The following RBFOX1 variants were observed in gnomAD, a reference collection of about 807,000 sequenced individuals.
The protein encoded by RBFOX1 is RNA binding fox-1 homolog 1.
A neutral mutation model predicts 57.7 loss-of-function variants in RBFOX1; 8 were observed. That is an observed-to-expected ratio of 0.14 (90% CI 0.08 to 0.25). The LOEUF is 0.25. Ranked by LOEUF, RBFOX1 falls within the 10% of genes least tolerant of loss-of-function variation. RBFOX1 has a pLI of 1.00. For missense variants in RBFOX1, 611 were observed against 548.5 expected (o/e 1.11, Z -1.14); for synonymous variants, 326 against 222.4 (o/e 1.47, Z -4.15).
chr16:6,099,129 C>T (rs2096277059), intron 1 of RBFOX1, among the ~76,000 whole-genome samples: 1 of 152,026 alleles, frequency 6.6e-6, no homozygotes, highest in Non-Finnish European at 1.5e-5. Flanking sequence ...TAGGTCGAAC[C>T]CGATTTGCTT....
At chr16:5,998,502 G>C (rs1232211105) in intron 4 of RBFOX1, among the ~76,000 whole-genome samples, 3 of 152,204 alleles carry the variant, frequency 2.0e-5, no homozygotes, top group Non-Finnish European at 4.4e-5. Context: ...TAGGGCTAGG[G>C]TGTTTTCAAC....
chr16:5,980,413 G>A (rs1393920748), intron 4 of RBFOX1, among the ~76,000 whole-genome samples: 1 of 152,122 alleles, frequency 6.6e-6, no homozygotes, highest in South Asian at 2.1e-4. Flanking sequence ...AGTGGGATGG[G>A]GAGCTTCAGG....
intron 1 of RBFOX1, among the ~76,000 whole-genome samples, chr16:6,262,384 T>C (rs1189022362): frequency 1.3e-5 from 2 of 152,088 alleles, no homozygotes; most frequent in African/African-American, 4.8e-5. Context: ...GTAGTAGATA[T>C]TATGGCGGTG....
intron 1 of RBFOX1, among the ~76,000 whole-genome samples, chr16:5,462,457 C>T (rs1372080969): frequency 1.4e-4 from 21 of 152,202 alleles, no homozygotes; most frequent in Admixed American, 3.3e-4. Context: ...CGTGAGCCAC[C>T]GCGCCCGGCC....
chr16:7,151,685 A>C (rs914332939), intron 4 of RBFOX1, among the ~76,000 whole-genome samples: 2 of 152,164 alleles, frequency 1.3e-5, no homozygotes, highest in Non-Finnish European at 2.9e-5. Context: ...TATATAATGA[A>C]ATAATTACAC....
chr16:6,411,330 G>C (rs1414366073), intron 2 of RBFOX1, among the ~76,000 whole-genome samples: 1 of 152,140 alleles, frequency 6.6e-6, no homozygotes, highest in Non-Finnish European at 1.5e-5. Context: ...TGACAAAAGA[G>C]CCATGTGCTG....
At chr16:6,777,340 A>T (rs1343421864) in intron 3 of RBFOX1, among the ~76,000 whole-genome samples, 1 of 152,098 alleles carries the variant, frequency 6.6e-6, no homozygotes, top group Non-Finnish European at 1.5e-5. Context: ...TACCTAGTGG[A>T]TGATGTTTAA....
intron 1 of RBFOX1, among the ~76,000 whole-genome samples, chr16:6,281,519 T>C (rs1420486618): frequency 6.6e-6 from 1 of 151,946 alleles, no homozygotes; most frequent in African/African-American, 2.4e-5. Context: ...CCCAAAGTGC[T>C]TTGTTCTGGA....
At chr16:6,755,412 G>C (rs923843248) in intron 3 of RBFOX1, among the ~76,000 whole-genome samples, 7 of 152,102 alleles carry the variant, frequency 4.6e-5, no homozygotes, top group Non-Finnish European at 8.8e-5. Context: ...GTGTGAGATG[G>C]TATCTCATTG....
chr16:5,745,233 G>C (rs1426197759), intron 3 of RBFOX1, among the ~76,000 whole-genome samples: 1 of 152,080 alleles, frequency 6.6e-6, no homozygotes, highest in Non-Finnish European at 1.5e-5. Flanking sequence ...GAGAATGATG[G>C]TTTCCAGCTT....
chr16:6,977,768 G>A (rs1195634282), intron 3 of RBFOX1, among the ~76,000 whole-genome samples: 1 of 151,976 alleles, frequency 6.6e-6, no homozygotes, highest in Non-Finnish European at 1.5e-5. Flanking sequence ...AGAAAAGAAA[G>A]AAAAAGAAAG....
chr16:6,893,778 G>C (rs2066092428), intron 3 of RBFOX1, among the ~76,000 whole-genome samples: 1 of 152,156 alleles, frequency 6.6e-6, no homozygotes, highest in African/African-American at 2.4e-5. Context: ...CATCTGGTGA[G>C]AAGTATTCTT....
At chr16:7,286,829 A>G (rs1310296092) in intron 4 of RBFOX1, among the ~76,000 whole-genome samples, 1 of 151,612 alleles carries the variant, frequency 6.6e-6, no homozygotes, top group Non-Finnish European at 1.5e-5. Flanking sequence ...GGGTTTAGCC[A>G]TGTTGGCCAG....
chr16:7,094,030 T>C (rs2061297536), intron 4 of RBFOX1, among the ~76,000 whole-genome samples: 1 of 150,908 alleles, frequency 6.6e-6, no homozygotes, highest in African/African-American at 2.4e-5. Context: ...ACATAGTAAT[T>C]GGTCAAGTGG....
At chr16:6,161,833 G>A (rs919604016) in intron 1 of RBFOX1, among the ~76,000 whole-genome samples, 7 of 152,164 alleles carry the variant, frequency 4.6e-5, no homozygotes, top group East Asian at 1.9e-4. Flanking sequence ...TTTGTGAAGC[G>A]TCTAGCCAGC....
chr16:7,381,171 TA>T (rs1410953673), intron 4 of RBFOX1, among the ~76,000 whole-genome samples: 2 of 152,202 alleles, frequency 1.3e-5, no homozygotes, highest in Non-Finnish European at 2.9e-5. Context: ...TCTCCCACGT[TA>T]AACTTAAAAC....
At chr16:7,428,494 TTTATTA>T (rs71147697) in intron 4 of RBFOX1, among the ~76,000 whole-genome samples, 6,647 of 128,636 alleles carry the variant, frequency 0.052, 178 homozygotes, top group East Asian at 0.12. Flanking sequence ...TCCTGGCTAT[TTTATTA>T]TTATTATTAT....
chr16:7,193,285 G>T (rs921767686), intron 4 of RBFOX1, among the ~76,000 whole-genome samples: 1 of 152,122 alleles, frequency 6.6e-6, no homozygotes, highest in South Asian at 2.1e-4. Context: ...GAAGCCATGA[G>T]CCAAAAGCAG....
intron 11 of RBFOX1, among the ~76,000 whole-genome samples, chr16:7,645,948 C>A (rs2063656202): frequency 6.9e-6 from 1 of 145,960 alleles, no homozygotes; most frequent in Admixed American, 6.8e-5. Context: ...CCACCACCCA[C>A]CCACCTTTTT....
Sources: allele counts gnomAD v4.1 joint callset (sites outside exome capture counted in the v4.1 genomes callset), GRCh38; gene constraint gnomAD v4.1.1; transcripts MANE v1.5; gene names NCBI Gene and HGNC (gene_info 2026-07-23, HGNC 2026-07-21).